The following IGSF11 variants were observed in gnomAD, a reference collection of about 807,000 sequenced individuals.
IGSF11 encodes the protein CXADR like 1.
In IGSF11, 22 loss-of-function variants were observed where a neutral mutation model predicts 41.0. The observed-to-expected ratio is 0.54, with a 90% CI of 0.38 to 0.77. The LOEUF is 0.77. Among genes scored for constraint, IGSF11 ranks in the 30% least tolerant of loss-of-function variants. IGSF11 has a pLI of 0.00. For synonymous variants in IGSF11, 219 were observed against 201.3 expected (o/e 1.09, Z -0.74); for missense variants, 444 against 530.8 (o/e 0.84, Z 1.61).
chr3:118,908,258 T>C (rs1939854625), intron 4 of IGSF11, among the ~76,000 whole-genome samples: 1 of 152,264 alleles, frequency 6.6e-6, no homozygotes, highest in Admixed American at 6.5e-5. Flanking sequence ...AGTCAATGTC[T>C]TCCTTTTGTC....
intron 2 of IGSF11, 99 bp downstream of exon 2, chr3:118,930,013 C>T (rs907321975): frequency 1.1e-5 from 14 of 1,239,032 alleles, no homozygotes; most frequent in Non-Finnish European, 1.6e-5. Flanking sequence ...ACAATGCCAC[C>T]TTATTCTCGA....
chr3:118,913,591 T>G (rs1043812395), intron 4 of IGSF11, among the ~76,000 whole-genome samples: 2 of 151,618 alleles, frequency 1.3e-5, no homozygotes, highest in African/African-American at 4.8e-5. Context: ...AAAGATATTT[T>G]CAGAAAAACA....
At chr3:119,094,687 T>C (rs1237321436) in intron 1 of IGSF11, among the ~76,000 whole-genome samples, 1 of 151,486 alleles carries the variant, frequency 6.6e-6, no homozygotes, top group Non-Finnish European at 1.5e-5. Flanking sequence ...TTTTTTTTTT[T>C]TTAGACTGAG....
At chr3:119,023,374 A>G (rs1203744017) in intron 1 of IGSF11, among the ~76,000 whole-genome samples, 4 of 152,006 alleles carry the variant, frequency 2.6e-5, no homozygotes, top group African/African-American at 4.8e-5. Context: ...CAAGATGTTA[A>G]AAAAAATAAC....
intron 1 of IGSF11, among the ~76,000 whole-genome samples, chr3:118,933,854 G>A (rs1043220612): frequency 3.9e-5 from 6 of 151,938 alleles, no homozygotes; most frequent in African/African-American, 9.7e-5. Context: ...GTTTCAGTCC[G>A]CCTCACCCTC....
At chr3:118,980,337 G>A (rs564224350) in intron 1 of IGSF11, among the ~76,000 whole-genome samples, 1 of 152,268 alleles carries the variant, frequency 6.6e-6, no homozygotes, top group African/African-American at 2.4e-5. Flanking sequence ...GAAATCTATT[G>A]ACCATAAAAA....
chr3:118,990,615 G>C (rs1935700044), intron 1 of IGSF11, among the ~76,000 whole-genome samples: 1 of 152,136 alleles, frequency 6.6e-6, no homozygotes, highest in Non-Finnish European at 1.5e-5. Flanking sequence ...AATGGATAAA[G>C]AGTTATAGCC....
At chr3:119,076,925 A>C (rs2076509823) in intron 1 of IGSF11, among the ~76,000 whole-genome samples, 2 of 152,340 alleles carry the variant, frequency 1.3e-5, no homozygotes, top group African/African-American at 4.8e-5. Context: ...CTGGGTATAT[A>C]CCCAAAGGAT....
At chr3:119,016,721 G>A (rs146402934) in intron 1 of IGSF11, among the ~76,000 whole-genome samples, 25 of 152,184 alleles carry the variant, frequency 1.6e-4, no homozygotes, top group Non-Finnish European at 3.2e-4. Flanking sequence ...AACTAGCAAC[G>A]CTCCTTTCCA....
intron 1 of IGSF11, among the ~76,000 whole-genome samples, chr3:119,048,858 A>T (rs1308666686): frequency 6.6e-6 from 1 of 152,180 alleles, no homozygotes; most frequent in East Asian, 1.9e-4. Flanking sequence ...CAAATCAGTA[A>T]ATGTAATCCA....
chr3:119,042,242 C>T (rs1941144288), intron 1 of IGSF11, among the ~76,000 whole-genome samples: 1 of 152,196 alleles, frequency 6.6e-6, no homozygotes, highest in African/African-American at 2.4e-5. Context: ...AGAAGGCAGC[C>T]AGCAGAATCA....
At chr3:119,130,687 A>AAAC (rs1295091910) in intron 1 of IGSF11, among the ~76,000 whole-genome samples, 214 of 152,310 alleles carry the variant, frequency 1.4e-3, no homozygotes, top group Non-Finnish European at 2.5e-3. Flanking sequence ...CCTGTCTGAC[A>AAAC]GCTCTGAAGA....
intron 1 of IGSF11, among the ~76,000 whole-genome samples, chr3:118,981,404 C>T (rs1934699813): frequency 6.6e-6 from 1 of 152,182 alleles, no homozygotes; most frequent in East Asian, 1.9e-4. Flanking sequence ...CTCAAGTGAT[C>T]TGCCCACCTT....
intron 1 of IGSF11, among the ~76,000 whole-genome samples, chr3:118,937,393 TGTA>T (rs1392670453): frequency 1.3e-5 from 2 of 152,220 alleles, no homozygotes; most frequent in East Asian, 1.9e-4. Flanking sequence ...TCTCTAGTGT[TGTA>T]GTAGTTTTTT....
chr3:118,961,518 A>G (rs1671443813), intron 1 of IGSF11, among the ~76,000 whole-genome samples: 1 of 152,272 alleles, frequency 6.6e-6, no homozygotes, highest in African/African-American at 2.4e-5. Context: ...AAAAGTCTCA[A>G]AATAAATTAA....
In IGSF11 at chr3:119,001,372, C is replaced by G. The variant is rs185787439; in HGVS notation, c.52+33159G>C. On this transcript the variant is annotated intron_variant, in intron 1 of 6. Transcript: ENST00000393775. ...TTCTTTTTGCTTGGCTTCTAGTGTA[C>G]TTCCTGAGCCCAGAACAGAACCTGG... 4.0e-5 allele frequency among the ~76,000 whole-genome samples: 6 copies of G among 151,474 alleles called. No homozygotes were observed. The East Asian group carries it at 1.2e-3, about 29-fold the overall frequency.
At chr3:118,962,801 A>C (rs1355700242) in intron 1 of IGSF11, among the ~76,000 whole-genome samples, 2 of 152,134 alleles carry the variant, frequency 1.3e-5, no homozygotes, top group East Asian at 3.8e-4. Context: ...AGAGAATGAG[A>C]ATAAGAAGGA....
chr3:118,947,075 C>T lies in IGSF11; in HGVS notation c.53-16800G>A, dbSNP rs1469360943. ...TGAGACCAGAAGCAGCAGCAGTCCT[C>T]GACATCAACTACAACTTTCCTTCGC... On this transcript the variant is annotated intron_variant, in intron 1 of 6. Coordinates refer to ENST00000393775, the MANE Select transcript of IGSF11 (RefSeq NM_001015887.3). 5 of 152,222 alleles carry T rather than the reference C, an allele frequency of 3.3e-5. No individual in the cohort carries two copies. In the East Asian group the frequency reaches 5.8e-4, roughly 18 times the overall value. The allele number at this position is 152,222 out of a possible 1,614,324, so 9.4% of individuals were successfully genotyped here.
intron 1 of IGSF11, among the ~76,000 whole-genome samples, chr3:118,954,443 C>A (rs1033771634): frequency 6.6e-6 from 1 of 152,040 alleles, no homozygotes; most frequent in African/African-American, 2.4e-5. Flanking sequence ...CTATTTCCAA[C>A]ACATCTGCAG....
Sources: allele counts gnomAD v4.1 joint callset (sites outside exome capture counted in the v4.1 genomes callset), GRCh38; gene constraint gnomAD v4.1.1; transcripts MANE v1.5; gene names NCBI Gene and HGNC (gene_info 2026-07-23, HGNC 2026-07-21).